Variants in TNRC6A observed in about 807,000 individuals in gnomAD.
The protein encoded by TNRC6A is trinucleotide repeat-containing gene 6A protein.
Under a neutral mutation model 221.2 loss-of-function variants are expected in TNRC6A, and 44 were observed. The ratio of observed to expected loss-of-function variants is 0.20; its 90% confidence interval spans 0.16 to 0.26. The LOEUF (loss-of-function observed/expected upper bound fraction) is 0.26. Among genes scored for constraint, TNRC6A ranks in the 10% least tolerant of loss-of-function variants. TNRC6A has a pLI of 1.00. For missense variants in TNRC6A, 2,199 were observed against 2,404.4 expected (o/e 0.91, Z 1.79); for synonymous variants, 847 against 838.5 (o/e 1.01, Z -0.18).
At chr16:24,643,094 TTATATATATATATAAAATATATA>T (rs1173907384) in intron 2 of TNRC6A, among the ~76,000 whole-genome samples, 1 of 135,832 alleles carries the variant, frequency 7.4e-6, no homozygotes, top group Admixed American at 8.1e-5. Flanking sequence ...TATATATATT[TTATATATATATATAAAATATATA>T]TATATAAAAT....
At chr16:24,643,360 C>A (rs1275150477) in intron 2 of TNRC6A, among the ~76,000 whole-genome samples, 2 of 151,800 alleles carry the variant, frequency 1.3e-5, no homozygotes, top group East Asian at 1.9e-4. Flanking sequence ...CCCAGGTATT[C>A]ATTCCAAAAC....
In TNRC6A at chr16:24,805,697, C is replaced by G. The variant is rs1215894734; in HGVS notation, c.4215C>G (p.Ser1405=). 6.2e-7 allele frequency: 1 copy of G among 1,614,176 alleles called. No homozygotes were observed. The highest frequency in any genetic ancestry group is 1.3e-5 in the African/African-American group (1 of 75,050). ...PQQVAMLNQL[S]QLNQLSQISQ... ...AGGTAGCCATGCTGAACCAGCTATCCCAGCTAAACCAGCTTTCTCAGATCT... is the reference window on the plus strand; with the variant it reads ...AGGTAGCCATGCTGAACCAGCTATCGCAGCTAAACCAGCTTTCTCAGATCT... The change falls in exon 15 of 25, where the codon TCC becomes TCG. Residue 1405 remains serine (S), a synonymous_variant. Coordinates refer to ENST00000395799, the MANE Select transcript of TNRC6A (RefSeq NM_014494.4).
At chr16:24,775,443 GACAT>G (rs1218775475) in intron 4 of TNRC6A, among the ~76,000 whole-genome samples, 1 of 152,028 alleles carries the variant, frequency 6.6e-6, no homozygotes, top group Non-Finnish European at 1.5e-5. Context: ...AAGTATAAAT[GACAT>G]AGACTAAATT....
At chr16:24,777,534 AC>A (rs2057751561) in intron 5 of TNRC6A, among the ~76,000 whole-genome samples, 176 bp downstream of exon 5, 1 of 152,142 alleles carries the variant, frequency 6.6e-6, no homozygotes, top group Non-Finnish European at 1.5e-5. Context: ...CCTGTAAGTT[AC>A]CTACTTTAAA....
chr16:24,719,676 A>T (rs553965768), intron 2 of TNRC6A, among the ~76,000 whole-genome samples: 54 of 151,944 alleles, frequency 3.6e-4, no homozygotes, highest in Admixed American at 9.2e-4. Context: ...TTAAAAAAAT[A>T]AAAAAAAAAT....
intron 2 of TNRC6A, among the ~76,000 whole-genome samples, chr16:24,704,847 A>C: frequency 6.6e-6 from 1 of 151,800 alleles, no homozygotes; most frequent in East Asian, 1.9e-4. Flanking sequence ...GTAATAACAG[A>C]AAATCTCAGC....
intron 3 of TNRC6A, among the ~76,000 whole-genome samples, chr16:24,754,361 G>A (rs2151442921): frequency 1.3e-5 from 2 of 152,212 alleles, no homozygotes; most frequent in Middle Eastern, 6.8e-3. Context: ...AGGGTGATTT[G>A]TATTGTATTT....
chr16:24,722,647 T>C (rs2056429935), intron 2 of TNRC6A, among the ~76,000 whole-genome samples: 1 of 152,090 alleles, frequency 6.6e-6, no homozygotes, highest in Non-Finnish European at 1.5e-5. Flanking sequence ...TTGGTCAGGC[T>C]GGCCTTGAAC....
At chr16:24,812,987 C>T (rs542796281) in intron 18 of TNRC6A, among the ~76,000 whole-genome samples, 11 of 151,126 alleles carry the variant, frequency 7.3e-5, no homozygotes, top group African/African-American at 1.9e-4. Flanking sequence ...ATGACCCCCC[C>T]ACCTCAGCCT....
At chr16:24,781,334 C>G (rs1299663889) in intron 5 of TNRC6A, among the ~76,000 whole-genome samples, 3 of 152,070 alleles carry the variant, frequency 2.0e-5, no homozygotes, top group African/African-American at 7.2e-5. Flanking sequence ...GCTGGGATTA[C>G]AGGTGTGAGC....
At chr16:24,775,683 G>A (rs998368561) in intron 4 of TNRC6A, among the ~76,000 whole-genome samples, 1 of 152,220 alleles carries the variant, frequency 6.6e-6, no homozygotes, top group African/African-American at 2.4e-5. Flanking sequence ...CTGGGCACTT[G>A]ACCAAGACTG....
At chr16:24,644,928 T>A (rs1485663973) in intron 2 of TNRC6A, among the ~76,000 whole-genome samples, 1 of 152,236 alleles carries the variant, frequency 6.6e-6, no homozygotes, top group Non-Finnish European at 1.5e-5. Context: ...TAAAAATTTG[T>A]AATGAGATAT....
chr16:24,786,300 T>TTTGTTG (rs796303366), intron 5 of TNRC6A, among the ~76,000 whole-genome samples: 1 of 116,858 alleles, frequency 8.6e-6, no homozygotes, highest in Non-Finnish European at 2.2e-5. Context: ...TTTGTTTTTT[T>TTTGTTG]TTGTTGTTGT....
chr16:24,613,827 T>C (rs1183648640), intron 1 of TNRC6A, among the ~76,000 whole-genome samples: 1 of 152,180 alleles, frequency 6.6e-6, no homozygotes, highest in Non-Finnish European at 1.5e-5. Context: ...TGAACTACTG[T>C]GCCCAGCCTA....
chr16:24,761,241 G>A (rs9930029), intron 4 of TNRC6A, among the ~76,000 whole-genome samples: 37,750 of 152,168 alleles, frequency 0.25, 5,229 homozygotes, highest in Non-Finnish European at 0.33. Flanking sequence ...AATGGGCAAC[G>A]TAATGACGTT....
At chr16:24,666,668 A>AAAAAAAATAT (rs1555487103) in intron 2 of TNRC6A, among the ~76,000 whole-genome samples, 1 of 65,136 alleles carries the variant, frequency 1.5e-5, no homozygotes, top group African/African-American at 9.9e-5. Context: ...AAAAAAAAAA[A>AAAAAAAATAT]ATATATATAT....
chr16:24,680,097 A>G (rs2055501271), intron 2 of TNRC6A, among the ~76,000 whole-genome samples: 3 of 152,096 alleles, frequency 2.0e-5, no homozygotes, highest in African/African-American at 7.2e-5. Context: ...CTTAAGAAGG[A>G]ATTAGCTTTT....
chr16:24,643,913 G>A (rs1478218590), intron 2 of TNRC6A, among the ~76,000 whole-genome samples: 1 of 152,080 alleles, frequency 6.6e-6, no homozygotes, highest in Non-Finnish European at 1.5e-5. Flanking sequence ...GGCTCCTTCA[G>A]CTTCCATAGT....
rs1367890017 is a variant in TNRC6A at position 24,729,704 on chromosome 16, G to GGCGGCGGCGGCGGCGGCA, written c.-124_-123insGGCAGCGGCGGCGGCGGC. 1.9e-6 allele frequency: 2 copies of GGCGGCGGCGGCGGCGGCA among 1,038,304 alleles called. No homozygotes were observed. Among genetic ancestry groups the GGCGGCGGCGGCGGCGGCA allele is most frequent in the African/African-American group, 1.7e-5 (1 of 58,564 alleles). The allele number at this position is 1,038,304 out of a possible 1,614,324, so 64.3% of individuals were successfully genotyped here. On this transcript the variant is annotated 5_prime_UTR_variant, in exon 1 of 25. Transcript: ENST00000395799. ...CGGTGTCGGCGGCGGCGGCGGCGGC[G>GGCGGCGGCGGCGGCGGCA]GCGGCGGCGGCGGCAGCGGGTCGGT...
Sources: allele counts gnomAD v4.1 joint callset (sites outside exome capture counted in the v4.1 genomes callset), GRCh38; gene constraint gnomAD v4.1.1; transcripts MANE v1.5; gene names NCBI Gene and HGNC (gene_info 2026-07-23, HGNC 2026-07-21).